VPS13B: variants seen among roughly 807,000 people sequenced by gnomAD.
The protein encoded by VPS13B is intermembrane lipid transfer protein VPS13B.
VPS13B carries 285 observed loss-of-function variants against 426.4 expected under a neutral mutation model. The ratio of observed to expected loss-of-function variants is 0.67; its 90% CI spans 0.61 to 0.74. The LOEUF is 0.74. VPS13B is among the 30% of genes least tolerant of loss of function. The pLI is 0.00. For missense variants in VPS13B, 4,537 were observed against 4,782.6 expected, an observed-to-expected ratio of 0.95 and a Z score of 1.51; for synonymous variants, 1,676 against 1,676.4, an observed-to-expected ratio of 1.00 and a Z score of 0.01.
intron 35 of VPS13B, among the ~76,000 whole-genome samples, chr8:99,664,117 C>T (rs1411431556): frequency 6.6e-6 from 1 of 151,520 alleles, no homozygotes; most frequent in Middle Eastern, 3.2e-3. Flanking sequence ...AGCGATTCTC[C>T]TGCCTCAGCC....
chr8:99,492,510 C>T (rs533911954), intron 25 of VPS13B, among the ~76,000 whole-genome samples: 2 of 152,198 alleles, frequency 1.3e-5, no homozygotes, highest in African/African-American at 2.4e-5. Flanking sequence ...AGCTGAGTTG[C>T]GGTGGGCTCT....
At chr8:99,616,226 C>G (rs900698222) in intron 33 of VPS13B, among the ~76,000 whole-genome samples, 1 of 152,082 alleles carries the variant, frequency 6.6e-6, no homozygotes, top group African/African-American at 2.4e-5. Flanking sequence ...GAGGTCCAGT[C>G]TCTGGACATT....
intron 34 of VPS13B, among the ~76,000 whole-genome samples, chr8:99,644,361 G>A (rs1290003910): frequency 6.6e-6 from 1 of 152,140 alleles, no homozygotes; most frequent in Non-Finnish European, 1.5e-5. Context: ...CCCAAATCAT[G>A]TGTTTATACA....
chr8:99,209,470 A>G (rs1053387120), intron 17 of VPS13B: 2 of 153,088 alleles, frequency 1.3e-5, no homozygotes, highest in Admixed American at 1.3e-4. Flanking sequence ...AGATCTGTAA[A>G]TATTATTTTT....
intron 17 of VPS13B, among the ~76,000 whole-genome samples, chr8:99,272,695 G>A (rs1160329890): frequency 6.6e-6 from 1 of 152,000 alleles, no homozygotes; most frequent in African/African-American, 2.4e-5. Context: ...ATTACCTTCT[G>A]TGCTTTTATA....
rs1815131065 is a variant in VPS13B, at chr8:99,832,444, C to T, written c.9406C>T (p.Leu3136Phe). 6.2e-7 allele frequency: 1 copy of T among 1,605,802 alleles called. No homozygotes were observed. The highest frequency in any genetic ancestry group is 8.5e-7 in the Non-Finnish European group (1 of 1,177,184). ...GEQPAMKSSS[L>F]PCWDLMPDIS... is the part of the protein sequence containing the mutation. The stretch of plus-strand genomic sequence containing the variant: ...GCAGCCTGCTATGAAATCCAGCTCC[C>T]TTCCTTGCTGGGACTTGATGCCTGA... The change falls in exon 52 of 62, where the codon CTT becomes TTT. Residue 3136 changes from leucine (L) to phenylalanine (F), a missense_variant. Around this residue, in one of 2 missense-constraint regions of VPS13B, gnomAD observed 4,311 missense variants for 4,474.3 expected, o/e 0.96. Transcript: ENST00000357162.
chr8:99,824,812 G>A (rs907441924), intron 51 of VPS13B, among the ~76,000 whole-genome samples: 2 of 152,082 alleles, frequency 1.3e-5, no homozygotes, highest in African/African-American at 4.8e-5. Context: ...CCACTTATGA[G>A]TGAGAACATG....
At chr8:99,835,781 C>T in intron 54 of VPS13B, 43 bp downstream of exon 54, 1 of 1,602,788 alleles carries the variant, frequency 6.2e-7, no homozygotes, top group Non-Finnish European at 8.5e-7. Flanking sequence ...AAGAAAAATG[C>T]CCTTTTCTGA....
intron 36 of VPS13B, among the ~76,000 whole-genome samples, chr8:99,710,169 A>C (rs1025150251): frequency 6.6e-6 from 1 of 152,174 alleles, no homozygotes; most frequent in African/African-American, 2.4e-5. Context: ...ATGCCTGTGT[A>C]CTCATGAGCT....
chr8:99,439,866 A>C (rs1290141532), intron 22 of VPS13B, among the ~76,000 whole-genome samples: 1 of 152,086 alleles, frequency 6.6e-6, no homozygotes, highest in Non-Finnish European at 1.5e-5. Flanking sequence ...AGTTTCTCAA[A>C]CCTCACATAT....
intron 35 of VPS13B, among the ~76,000 whole-genome samples, chr8:99,675,332 C>A (rs991112373): frequency 6.6e-6 from 1 of 151,484 alleles, no homozygotes; most frequent in African/African-American, 2.4e-5. Context: ...ATTAGAATAT[C>A]CTTCTATATT....
chr8:99,303,367 C>T (rs1395706159), intron 19 of VPS13B, among the ~76,000 whole-genome samples: 1 of 150,960 alleles, frequency 6.6e-6, no homozygotes. Context: ...CTCTATGGTG[C>T]AGATTCCCCT....
intron 35 of VPS13B, among the ~76,000 whole-genome samples, chr8:99,667,773 T>C (rs1421083703): frequency 1.3e-5 from 2 of 152,194 alleles, no homozygotes; most frequent in African/African-American, 4.8e-5. Context: ...TGCATACCAC[T>C]AATTAAATGG....
rs142575405 is a variant in VPS13B, at chr8:99,825,952, A to C, written c.9330+1974A>C. On this transcript the variant is annotated intron_variant, in intron 51 of 61. Transcript: ENST00000357162. ...ATATATCTGTTTTGGTACCAGTGTC[A>C]TGCTGTTTTGGTTACTGTAGCCTTG... 4.3e-3 allele frequency among the ~76,000 whole-genome samples: 659 copies of C among 152,234 alleles called. 6 individuals carry two copies. The highest frequency in any genetic ancestry group is 0.015 in the African/African-American group (633 of 41,528).
intron 17 of VPS13B, among the ~76,000 whole-genome samples, chr8:99,253,520 T>C (rs776017112): frequency 6.6e-5 from 10 of 152,212 alleles, no homozygotes; most frequent in Non-Finnish European, 1.2e-4. Context: ...ATAACCATTT[T>C]ACTTGGTGTG....
chr8:99,722,150 T>C (rs1833156999), intron 39 of VPS13B, among the ~76,000 whole-genome samples: 1 of 152,158 alleles, frequency 6.6e-6, no homozygotes. Flanking sequence ...GCCTCCTTTT[T>C]CTCCTTGAGC....
chr8:99,699,704 T>G lies in VPS13B; in HGVS notation c.6226T>G (p.Tyr2076Asp), dbSNP rs1832190256. The G allele has an allele frequency of 2.5e-6, 4 of 1,614,150 alleles. No individual in the cohort carries two copies. The highest frequency in any genetic ancestry group is 3.4e-6 in the Non-Finnish European group (4 of 1,180,018). Residue 2076 changes from tyrosine to aspartate, a missense_variant, in exon 36 of 62, where the codon TAC (tyrosine) becomes GAC (aspartate). Tyr to Asp is a radical substitution (Grantham distance 160). Coordinates refer to ENST00000357162, the MANE Select transcript of VPS13B (RefSeq NM_152564.5). ...NKDDLPVSKY[Y>D]RGKLSKPKIH... ...GGATGATCTTCCAGTCTCCAAATATTACCGTGGAAAGTTGTCTAAACCCAA... is the reference window on the plus strand; with the variant it reads ...GGATGATCTTCCAGTCTCCAAATATGACCGTGGAAAGTTGTCTAAACCCAA...
At chr8:99,851,383 G>C (rs1380139926) in intron 55 of VPS13B, among the ~76,000 whole-genome samples, 1 of 152,176 alleles carries the variant, frequency 6.6e-6, no homozygotes, top group African/African-American at 2.4e-5. Flanking sequence ...AAGGTGATGG[G>C]GGGTGTAGAG....
chr8:99,112,849 A>T (rs1847438346), intron 6 of VPS13B, among the ~76,000 whole-genome samples: 1 of 152,190 alleles, frequency 6.6e-6, no homozygotes. Flanking sequence ...TTGGCATATA[A>T]GTAAGTTTGT....
Sources: allele counts gnomAD v4.1 joint callset (sites outside exome capture counted in the v4.1 genomes callset), GRCh38; gene constraint gnomAD v4.1.1; regional missense constraint gnomAD v4.1.1; transcripts MANE v1.5; gene names NCBI Gene and HGNC (gene_info 2026-07-23, HGNC 2026-07-21).